MAP4K5: variants seen among roughly 807,000 people sequenced by gnomAD.
The protein encoded by MAP4K5 is MAPK/ERK kinase kinase kinase 5.
MAP4K5 carries 82 observed loss-of-function variants against 135.6 expected under a neutral mutation model. The observed-to-expected ratio is 0.60, with a 90% CI of 0.51 to 0.73. The LOEUF (loss-of-function observed/expected upper bound fraction) is 0.73, where lower values mean the gene tolerates loss of function less well. MAP4K5 is among the 30% of genes least tolerant of loss of function. The pLI is 0.00. For missense variants in MAP4K5, 907 were observed against 1,010.9 expected (o/e 0.90, Z 1.39); for synonymous variants, 347 against 335.0 (o/e 1.04, Z -0.39).
chr14:50,423,112 A>C lies in MAP4K5; in HGVS notation c.2453+9T>G. The stretch of plus-strand genomic sequence containing the variant: ...TTTGGTAATTAAATTAATACAACCA[A>C]ACTATTACCTGTCTGATCCTAATAA... On this transcript the variant is annotated intron_variant, in intron 32 of 32. Transcript: ENST00000682126. 1 of 1,456,292 alleles carries C rather than the reference A, an allele frequency of 6.9e-7. No individual in the cohort carries two copies. Among genetic ancestry groups the C allele is most frequent in the Non-Finnish European group, 9.5e-7 (1 of 1,047,150 alleles). 90.2% of individuals were successfully genotyped at this position (1,456,292 alleles called of 1,614,324 possible).
intron 1 of MAP4K5, among the ~76,000 whole-genome samples, chr14:50,552,872 A>G (rs563198061): frequency 2.6e-5 from 4 of 152,348 alleles, no homozygotes; most frequent in Admixed American, 6.5e-5. Context: ...AAGATGGATC[A>G]AAGACTTAAA....
intron 2 of MAP4K5, among the ~76,000 whole-genome samples, chr14:50,541,526 AC>A (rs2038559822): frequency 6.6e-6 from 1 of 152,130 alleles, no homozygotes; most frequent in African/African-American, 2.4e-5. Context: ...CTACTCTTTG[AC>A]CCATGTAACC....
chr14:50,440,647 C>A (rs1490634826), intron 21 of MAP4K5, among the ~76,000 whole-genome samples: 1 of 152,110 alleles, frequency 6.6e-6, no homozygotes, highest in Non-Finnish European at 1.5e-5. Flanking sequence ...CTATGTTAGA[C>A]TAACTCACTC....
chr14:50,421,159 C>T (rs1056954835), intron 32 of MAP4K5, among the ~76,000 whole-genome samples: 3 of 152,044 alleles, frequency 2.0e-5, no homozygotes, highest in Non-Finnish European at 2.9e-5. Flanking sequence ...TACTTATAAT[C>T]CAACTGCCCA....
intron 1 of MAP4K5, among the ~76,000 whole-genome samples, chr14:50,554,249 G>A (rs2038738660): frequency 6.6e-6 from 1 of 152,084 alleles, no homozygotes; most frequent in Admixed American, 6.6e-5. Flanking sequence ...ACCCGATTAA[G>A]CTTCTTTGAC....
rs2035819177 is a variant in MAP4K5, at chr14:50,425,177, C to G, written c.2397+730G>C. Among the ~76,000 whole-genome samples the G allele has an allele frequency of 3.9e-5, 6 of 152,132 alleles. No homozygotes were observed. The South Asian group carries it at 1.2e-3, about 31-fold the overall frequency. ...AATGTCTCTGTTAGTATTATCTTAG[C>G]TAGTAGGACTCATTCCTCAAATTGG... On this transcript the variant is annotated intron_variant, in intron 31 of 32. Coordinates refer to ENST00000682126, the MANE Select transcript of MAP4K5 (RefSeq NM_006575.6).
intron 1 of MAP4K5, among the ~76,000 whole-genome samples, chr14:50,550,867 T>A (rs1175136123): frequency 6.6e-6 from 1 of 152,082 alleles, no homozygotes; most frequent in Non-Finnish European, 1.5e-5. Flanking sequence ...GTGACACAAC[T>A]TATCAAAACC....
intron 1 of MAP4K5, among the ~76,000 whole-genome samples, chr14:50,549,026 C>T (rs1309977707): frequency 3.9e-5 from 6 of 152,156 alleles, no homozygotes; most frequent in Non-Finnish European, 8.8e-5. Flanking sequence ...AATGGCATGC[C>T]TGTCTACAAC....
At chr14:50,430,967 A>G (rs2035955935) in intron 28 of MAP4K5, among the ~76,000 whole-genome samples, 1 of 152,178 alleles carries the variant, frequency 6.6e-6, no homozygotes, top group Non-Finnish European at 1.5e-5. Flanking sequence ...CAGAATTCCT[A>G]CTTAGAAGCC....
intron 2 of MAP4K5, among the ~76,000 whole-genome samples, chr14:50,531,054 C>G (rs1173881707): frequency 6.6e-6 from 1 of 152,158 alleles, no homozygotes; most frequent in Non-Finnish European, 1.5e-5. Context: ...TTGCAAAAAG[C>G]AAAGGAATTT....
chr14:50,538,685 C>A (rs999410982), intron 2 of MAP4K5, among the ~76,000 whole-genome samples: 4 of 152,176 alleles, frequency 2.6e-5, no homozygotes, highest in African/African-American at 9.7e-5. Context: ...ATAGCTCTTG[C>A]AGGATTCCAG....
At chr14:50,437,306 C>T (rs2139681519) in intron 26 of MAP4K5, among the ~76,000 whole-genome samples, 170 bp downstream of exon 26, 1 of 152,288 alleles carries the variant, frequency 6.6e-6, no homozygotes, top group South Asian at 2.1e-4. Flanking sequence ...CTAAGCATTT[C>T]TATGCCATGT....
chr14:50,519,295 G>A (rs1483697329), intron 2 of MAP4K5, among the ~76,000 whole-genome samples: 1 of 152,014 alleles, frequency 6.6e-6, no homozygotes, highest in African/African-American at 2.4e-5. Flanking sequence ...ATTTTTAAAA[G>A]TTGGGAATGT....
At chr14:50,438,272 C>T in intron 23 of MAP4K5, 178 bp from the exon 24 acceptor site, 1 of 376,666 alleles carries the variant, frequency 2.7e-6, no homozygotes, top group Non-Finnish European at 4.9e-6. Flanking sequence ...CAGACTAAAC[C>T]TTAATGATGC....
intron 1 of MAP4K5, among the ~76,000 whole-genome samples, chr14:50,549,342 C>T (rs1187267927): frequency 6.6e-6 from 1 of 152,214 alleles, no homozygotes; most frequent in African/African-American, 2.4e-5. Flanking sequence ...CATCTCCATC[C>T]TCTATGCAGA....
chr14:50,547,640 G>T (rs2038651005), intron 1 of MAP4K5, among the ~76,000 whole-genome samples: 1 of 152,156 alleles, frequency 6.6e-6, no homozygotes, highest in South Asian at 2.1e-4. Flanking sequence ...TGTGTGGCCT[G>T]TGAAAAAGCC....
Position 50,447,414 on chromosome 14 carries a change from T to C in MAP4K5, c.1142A>G (p.Lys381Arg), listed in dbSNP as rs562470193. Residue 381 changes from lysine to arginine, a missense_variant and splice_region_variant, in exon 16 of 33, where the codon AAA (lysine) becomes AGA (arginine). Coordinates refer to ENST00000682126, the MANE Select transcript of MAP4K5 (RefSeq NM_006575.6). ...GTTATTAAATTAGAAAACAACTTAC[T>C]TGCCAGTATTTGCACCATCAACAAA... Reference protein sequence around the residue: ...NPFVDGANTGKSTSKRAIPPP... With the variant: ...NPFVDGANTGRSTSKRAIPPP... 6.5e-7 allele frequency: 1 copy of C among 1,535,182 alleles called. No homozygotes were observed. Among genetic ancestry groups the C allele is most frequent in the Admixed American group, 2.0e-5 (1 of 50,182 alleles).
At chr14:50,535,643 G>A (rs553396137), upstream of MAP4K5, among the ~76,000 whole-genome samples, 3 of 152,278 alleles carry the variant, frequency 2.0e-5, no homozygotes, top group South Asian at 6.2e-4. Context: ...TCCAAATATA[G>A]GGCAATTTTT....
At chr14:50,433,452 T>C (rs1472399122) in intron 28 of MAP4K5, among the ~76,000 whole-genome samples, 5 of 152,190 alleles carry the variant, frequency 3.3e-5, no homozygotes, top group South Asian at 2.1e-4. Context: ...ACCACAAAAA[T>C]AGGCAACTCT....
Sources: gnomAD v4.1 joint callset for allele counts (sites outside exome capture counted in the v4.1 genomes callset) on GRCh38, gnomAD v4.1.1 for gene constraint, MANE v1.5 for transcripts, NCBI Gene and HGNC (gene_info 2026-07-23, HGNC 2026-07-21) for gene names.